Variants in CNTNAP2 observed in about 807,000 individuals in gnomAD.
CNTNAP2 encodes contactin-associated protein-like 2.
Under a neutral mutation model 155.2 loss-of-function variants are expected in CNTNAP2, and 98 were observed. The ratio of observed to expected loss-of-function variants is 0.63; its 90% CI spans 0.54 to 0.75. The LOEUF is 0.75. Among genes scored for constraint, CNTNAP2 ranks in the 30% least tolerant of loss-of-function variants. The pLI, the probability that CNTNAP2 is intolerant of heterozygous loss-of-function variation, is 0.00. For synonymous variants in CNTNAP2, 651 were observed against 631.2 expected (o/e 1.03, Z -0.47); for missense variants, 1,727 against 1,688.1 (o/e 1.02, Z -0.40).
At chr7:148,331,580 AAT>A (rs1491546090) in intron 21 of CNTNAP2, among the ~76,000 whole-genome samples, 29 of 81,872 alleles carry the variant, frequency 3.5e-4, no homozygotes, top group Admixed American at 5.3e-4. Flanking sequence ...GGATGGATGG[AAT>A]GGATGGATGG....
At chr7:147,519,949 C>T (rs566913705) in intron 11 of CNTNAP2, among the ~76,000 whole-genome samples, 88 of 152,272 alleles carry the variant, frequency 5.8e-4, no homozygotes, top group African/African-American at 2.0e-3. Flanking sequence ...TGACCACCCA[C>T]GAATCATAAA....
At chr7:148,399,456 A>G (rs1377933264) in intron 22 of CNTNAP2, among the ~76,000 whole-genome samples, 5 of 152,174 alleles carry the variant, frequency 3.3e-5, no homozygotes, top group African/African-American at 1.2e-4. Context: ...TCTCTCATAT[A>G]TGCCTTTAAA....
intron 1 of CNTNAP2, among the ~76,000 whole-genome samples, chr7:146,206,500 C>A (rs987502459): frequency 6.6e-6 from 1 of 151,748 alleles, no homozygotes; most frequent in Non-Finnish European, 1.5e-5. Context: ...ATAAAGTAGT[C>A]TAGACCCAAA....
chr7:148,390,556 C>T (rs1799323113), intron 22 of CNTNAP2, among the ~76,000 whole-genome samples: 1 of 150,576 alleles, frequency 6.6e-6, no homozygotes, highest in Admixed American at 6.6e-5. Flanking sequence ...CAATCCATAC[C>T]TATACCAGGA....
At chr7:146,690,884 G>T (rs1489267293) in intron 1 of CNTNAP2, among the ~76,000 whole-genome samples, 2 of 152,046 alleles carry the variant, frequency 1.3e-5, no homozygotes, top group Non-Finnish European at 2.9e-5. Context: ...AGTCCTCTGG[G>T]CTAAAAATAT....
chr7:146,148,371 C>T (rs1410899081), intron 1 of CNTNAP2, among the ~76,000 whole-genome samples: 8 of 152,038 alleles, frequency 5.3e-5, no homozygotes, highest in East Asian at 1.9e-4. Flanking sequence ...TAACATTGCT[C>T]GTCTGTTTCA....
chr7:146,579,241 AT>A (rs898016371), intron 1 of CNTNAP2, among the ~76,000 whole-genome samples: 2 of 152,056 alleles, frequency 1.3e-5, no homozygotes, highest in Admixed American at 6.6e-5. Context: ...CTAAACAAGT[AT>A]TTTTTTAATT....
intron 19 of CNTNAP2, among the ~76,000 whole-genome samples, chr7:148,219,971 C>T (rs2116761516): frequency 6.6e-6 from 1 of 152,356 alleles, no homozygotes; most frequent in South Asian, 2.1e-4. Flanking sequence ...ATTAAACTCC[C>T]TCTCTAGGAA....
intron 23 of CNTNAP2, among the ~76,000 whole-genome samples, chr7:148,412,438 C>T (rs1799863734): frequency 6.6e-6 from 1 of 152,206 alleles, no homozygotes; most frequent in Non-Finnish European, 1.5e-5. Context: ...CTCTCAGCAA[C>T]GTATTGTGGT....
intron 1 of CNTNAP2, among the ~76,000 whole-genome samples, chr7:146,243,403 A>G (rs1799594627): frequency 6.6e-6 from 1 of 151,972 alleles, no homozygotes; most frequent in African/African-American, 2.4e-5. Context: ...AGACCATTTT[A>G]TTGATTTTAT....
chr7:148,375,338 TTA>T (rs957193800), intron 21 of CNTNAP2, among the ~76,000 whole-genome samples: 4 of 147,540 alleles, frequency 2.7e-5, no homozygotes, highest in Non-Finnish European at 6.0e-5. Flanking sequence ...ATATATATTT[TTA>T]TATATATATA....
intron 1 of CNTNAP2, among the ~76,000 whole-genome samples, chr7:146,585,839 A>G (rs7791244): frequency 6.6e-6 from 1 of 151,388 alleles, no homozygotes. Flanking sequence ...GAGAGAGAGA[A>G]AGAAGAGAGA....
chr7:146,426,185 C>CAAAAAAAAAAAAAAAAAAAAAAA (rs57484419), intron 1 of CNTNAP2, among the ~76,000 whole-genome samples: 3 of 54,630 alleles, frequency 5.5e-5, no homozygotes, highest in African/African-American at 1.5e-4. Context: ...GACTTCGCCT[C>CAAAAAAAAAAAAAAAAAAAAAAA]AAAAAAAAAA....
In CNTNAP2 at chr7:148,382,243, G is replaced by A. The variant is rs533387747; in HGVS notation, c.3476-1406G>A. On this transcript the variant is annotated intron_variant, in intron 21 of 23. Transcript: ENST00000361727. ...AGGCCTGGGCCCGGGAGCCTCTGCT[G>A]CCACCCGTGGTTTCTCTCCCTGTTC... is the stretch of plus-strand genomic sequence containing the variant. Among the ~76,000 whole-genome samples the A allele has an allele frequency of 4.9e-4, 75 of 152,320 alleles. No individual in the cohort carries two copies. In the South Asian group the frequency reaches 5.2e-3, roughly 11 times the overall value.
chr7:146,988,385 C>T (rs1448685275), intron 3 of CNTNAP2, among the ~76,000 whole-genome samples: 1 of 151,868 alleles, frequency 6.6e-6, no homozygotes, highest in Non-Finnish European at 1.5e-5. Context: ...ATTTTCAGAT[C>T]GTAATTAGCC....
At chr7:147,055,348 A>C (rs896342172) in intron 4 of CNTNAP2, among the ~76,000 whole-genome samples, 2 of 152,242 alleles carry the variant, frequency 1.3e-5, no homozygotes, top group African/African-American at 2.4e-5. Flanking sequence ...TGCATAGCTT[A>C]TTAAGGACTG....
intron 1 of CNTNAP2, among the ~76,000 whole-genome samples, chr7:146,545,110 T>C (rs1380760935): frequency 1.3e-5 from 2 of 151,890 alleles, no homozygotes; most frequent in African/African-American, 2.4e-5. Context: ...GGAGGGAGTA[T>C]GGAAAGTCAA....
chr7:147,249,818 G>A (rs1423842720), intron 8 of CNTNAP2, among the ~76,000 whole-genome samples: 1 of 152,062 alleles, frequency 6.6e-6, no homozygotes, highest in African/African-American at 2.4e-5. Flanking sequence ...AAAGTTCCGT[G>A]CTCTTTGCTG....
intron 15 of CNTNAP2, among the ~76,000 whole-genome samples, chr7:148,078,307 G>C (rs1029163410): frequency 1.3e-5 from 2 of 151,424 alleles, no homozygotes; most frequent in African/African-American, 4.9e-5. Flanking sequence ...CAAGTGATCT[G>C]CCTGCCTTGA....
Sources: allele counts gnomAD v4.1 joint callset (sites outside exome capture counted in the v4.1 genomes callset), GRCh38; gene constraint gnomAD v4.1.1; transcripts MANE v1.5; gene names NCBI Gene and HGNC (gene_info 2026-07-23, HGNC 2026-07-21).